TRPM8: variants seen among roughly 807,000 people sequenced by gnomAD.
TRPM8 encodes TRPM8 cationic channel.
In TRPM8, 110 loss-of-function variants were observed where a neutral mutation model predicts 133.7. The ratio of observed to expected loss-of-function variants is 0.82; its 90% CI spans 0.70 to 0.96. TRPM8 has a LOEUF of 0.96. Ranked by LOEUF, TRPM8 falls within the 40% of genes least tolerant of loss-of-function variation. The pLI, the probability that TRPM8 is intolerant of heterozygous loss-of-function variation, is 0.00. For missense variants in TRPM8, 1,291 were observed against 1,379.5 expected, an observed-to-expected ratio of 0.94 and a Z score of 1.02; for synonymous variants, 535 against 532.3, an observed-to-expected ratio of 1.01 and a Z score of -0.07.
At chr2:234,011,592 A>G (rs950477727) in intron 24 of TRPM8, among the ~76,000 whole-genome samples, 5 of 152,166 alleles carry the variant, frequency 3.3e-5, no homozygotes, top group African/African-American at 1.2e-4. Flanking sequence ...TCAATCCATG[A>G]ACATGGGATG....
chr2:233,953,853 A>G, intron 9 of TRPM8, 64 bp from the exon 10 acceptor site: 1 of 1,256,134 alleles, frequency 8.0e-7, no homozygotes, highest in East Asian at 2.3e-5. Flanking sequence ...CACAAAAAGA[A>G]AGAAGTTTAT....
At chr2:233,946,956 A>G in intron 7 of TRPM8, 132 bp from the exon 8 acceptor site, 1 of 725,706 alleles carries the variant, frequency 1.4e-6, no homozygotes, top group East Asian at 2.7e-5. Flanking sequence ...ATAATGTTCA[A>G]GTCCGTGAGA....
intron 1 of TRPM8, among the ~76,000 whole-genome samples, chr2:233,919,204 T>A (rs532752107): frequency 6.6e-6 from 1 of 152,308 alleles, no homozygotes; most frequent in Non-Finnish European, 1.5e-5. Context: ...ACTAATATTT[T>A]TTTTGTATTG....
chr2:233,955,316 A>G (rs1331863492), intron 11 of TRPM8, 66 bp downstream of exon 11: 1 of 1,183,806 alleles, frequency 8.4e-7, no homozygotes, highest in Non-Finnish European at 1.2e-6. Context: ...GCAATGTCTG[A>G]TCCATTTCCA....
intron 2 of TRPM8, among the ~76,000 whole-genome samples, chr2:233,929,439 G>A (rs949238405): frequency 6.6e-6 from 1 of 152,228 alleles, no homozygotes; most frequent in African/African-American, 2.4e-5. Flanking sequence ...CCCCTTTGCA[G>A]TGCATGGCTG....
At chr2:233,937,304 C>T (rs200692300) in intron 3 of TRPM8, 49 bp from the exon 4 acceptor site, 43 of 1,601,970 alleles carry the variant, frequency 2.7e-5, no homozygotes, top group South Asian at 9.0e-5. Context: ...TTTCCATAAG[C>T]AGGCTCAATG....
chr2:233,971,069 T>C (rs1691701658), intron 17 of TRPM8, among the ~76,000 whole-genome samples: 1 of 152,200 alleles, frequency 6.6e-6, no homozygotes, highest in Non-Finnish European at 1.5e-5. Flanking sequence ...TTATGAAAAG[T>C]CATCCCAGAA....
chr2:233,926,111 A>G (rs11562963), intron 1 of TRPM8, among the ~76,000 whole-genome samples: 273 of 152,284 alleles, frequency 1.8e-3, no homozygotes, highest in Non-Finnish European at 3.0e-3. Flanking sequence ...GCAGGCTGCT[A>G]GCCATAGTCT....
At chr2:233,969,970 G>A (rs140034460) in intron 16 of TRPM8, 163 bp downstream of exon 16, 50 of 679,600 alleles carry the variant, frequency 7.4e-5, no homozygotes, top group African/African-American at 7.0e-4. Context: ...CTTTTCCTGG[G>A]TTTCCTCTTA....
chr2:233,970,250 T>C lies in TRPM8; in HGVS notation c.2179T>C (p.Tyr727His). The C allele has an allele frequency of 3.1e-6, 5 of 1,614,210 alleles. No homozygotes were observed. The highest frequency in any genetic ancestry group is 1.7e-6 in the Non-Finnish European group (2 of 1,180,040). ...VDKHKKLLWY[Y>H]VAFFTSPFVV... ...CAAGCACAAGAAGCTGCTTTGGTAC[T>C]ATGTGGCGTTCTTCACCTCCCCCTT... is the stretch of plus-strand genomic sequence containing the variant. The change falls in exon 17 of 26, where the codon TAT becomes CAT. Residue 727 changes from tyrosine (Y) to histidine (H), a missense_variant. Around this residue, in one of 2 missense-constraint regions of TRPM8, gnomAD observed 963 missense variants for 968.9 expected, o/e 0.99. Coordinates refer to ENST00000324695, the MANE Select transcript of TRPM8 (RefSeq NM_024080.5).
At chr2:233,942,177 T>C (rs1449214178) in intron 5 of TRPM8, among the ~76,000 whole-genome samples, 2 of 149,880 alleles carry the variant, frequency 1.3e-5, no homozygotes, top group Non-Finnish European at 2.9e-5. Flanking sequence ...CCTCCCGGGT[T>C]CAAGAAATTC....
At chr2:233,941,847 AC>A (rs1363024819) in intron 5 of TRPM8, among the ~76,000 whole-genome samples, 1 of 152,220 alleles carries the variant, frequency 6.6e-6, no homozygotes, top group African/African-American at 2.4e-5. Context: ...AGTTATTGAC[AC>A]AAAAGCCATC....
At chr2:233,970,123 G>C in intron 16 of TRPM8, 87 bp from the exon 17 acceptor site, 1 of 1,229,858 alleles carries the variant, frequency 8.1e-7, no homozygotes, top group Non-Finnish European at 1.2e-6. Context: ...CTATGGGTCT[G>C]TATTTATCTA....
chr2:233,983,462 T>C, intron 20 of TRPM8: 1 of 512,240 alleles, frequency 2.0e-6, no homozygotes. Context: ...AAATAGTGAT[T>C]CTGGTATTTT....
chr2:234,013,186 G>A (rs577916870), intron 24 of TRPM8: 2 of 152,268 alleles, frequency 1.3e-5, no homozygotes, highest in East Asian at 1.9e-4. Flanking sequence ...AAGAGTCTAA[G>A]GTTTGGCATT....
chr2:233,920,589 G>A (rs1291203149), intron 1 of TRPM8, among the ~76,000 whole-genome samples: 4 of 152,166 alleles, frequency 2.6e-5, no homozygotes, highest in Non-Finnish European at 4.4e-5. Flanking sequence ...GCCAGGCTAA[G>A]TTTAGTGCTG....
chr2:233,953,855 G>T, intron 9 of TRPM8, 62 bp from the exon 10 acceptor site: 2 of 1,267,796 alleles, frequency 1.6e-6, no homozygotes, highest in African/African-American at 1.5e-5. Context: ...CAAAAAGAAA[G>T]AAGTTTATGC....
intron 12 of TRPM8, among the ~76,000 whole-genome samples, chr2:233,962,354 T>C (rs551152084): frequency 3.8e-4 from 58 of 152,244 alleles, no homozygotes; most frequent in Admixed American, 2.0e-3. Context: ...GCTCCTAGAG[T>C]TGGCTAGTGG....
rs187375634 is a variant in TRPM8 at position 233,995,780 on chromosome 2, G to A, written c.2940-546G>A. Among the ~76,000 whole-genome samples the A allele has an allele frequency of 1.5e-3, 223 of 152,216 alleles. 2 individuals carry two copies. The highest frequency in any genetic ancestry group is 0.013 in the South Asian group (64 of 4,810). On this transcript the variant is annotated intron_variant, in intron 21 of 25. Coordinates refer to ENST00000324695, the MANE Select transcript of TRPM8 (RefSeq NM_024080.5). ...TTACATATGGTGCTGGTGGCCAACA[G>A]TCATGCATATATATTCATTTACATA... is the stretch of plus-strand genomic sequence containing the variant.
Sources: allele counts gnomAD v4.1 joint callset (sites outside exome capture counted in the v4.1 genomes callset), GRCh38; gene constraint gnomAD v4.1.1; regional missense constraint gnomAD v4.1.1; transcripts MANE v1.5; gene names NCBI Gene and HGNC (gene_info 2026-07-23, HGNC 2026-07-21).